Variants in MCC observed in about 807,000 individuals in gnomAD.
MCC encodes the protein colorectal mutant cancer protein.
Under a neutral mutation model 116.2 loss-of-function variants are expected in MCC, and 90 were observed. The ratio of observed to expected loss-of-function variants is 0.77; its 90% CI spans 0.65 to 0.92. The LOEUF is 0.92. Among genes scored for constraint, MCC ranks in the 40% least tolerant of loss-of-function variants. The pLI, the probability that MCC is intolerant of heterozygous loss-of-function variation, is 0.00. For missense variants in MCC, 1,516 were observed against 1,312.2 expected (o/e 1.16, Z -2.40); for synonymous variants, 578 against 510.5 (o/e 1.13, Z -1.78).
At chr5:113,299,346 A>G (rs1010235862) in intron 3 of MCC, among the ~76,000 whole-genome samples, 108 of 129,630 alleles carry the variant, frequency 8.3e-4, no homozygotes, top group Admixed American at 1.8e-3. Flanking sequence ...AAAAAAAAAA[A>G]GAGTAGGGCT....
At chr5:113,454,665 A>G (rs1477124945) in intron 1 of MCC, among the ~76,000 whole-genome samples, 1 of 152,240 alleles carries the variant, frequency 6.6e-6, no homozygotes, top group Non-Finnish European at 1.5e-5. Flanking sequence ...AACTGAAAGT[A>G]CTTAATATTT....
At chr5:113,264,800 T>C (rs911801181) in intron 3 of MCC, among the ~76,000 whole-genome samples, 4 of 152,118 alleles carry the variant, frequency 2.6e-5, no homozygotes, top group Non-Finnish European at 4.4e-5. Flanking sequence ...CCCAGCACTT[T>C]GGGAAGTCGA....
Position 113,024,286 on chromosome 5 carries a change from A to G in MCC, c.*3016T>C, listed in dbSNP as rs1456183486. On this transcript the variant is annotated 3_prime_UTR_variant, in exon 19 of 19. Transcript: ENST00000408903. ...GGATATTAACTTCAGAACGCTGACAAGCCAGCCGATGAGGATGAAAGTTTC... is the reference window on the plus strand; with the variant it reads ...GGATATTAACTTCAGAACGCTGACAGGCCAGCCGATGAGGATGAAAGTTTC... 1.3e-5 allele frequency: 2 copies of G among 152,262 alleles called. No homozygotes were observed. The highest frequency in any genetic ancestry group is 4.8e-5 in the African/African-American group (2 of 41,474). The allele number at this position is 152,262 out of a possible 1,614,324, so 9.4% of individuals were successfully genotyped here.
rs1769225259 is a variant in MCC at position 113,385,198 on chromosome 5, ATTAGCAAGTCATTTC to A, written c.171-1_184del. ...TTCCATATTCAGCTGGCGACAGACCATTAGCAAGTCATTTCTGCAGAAGGGGTTGAACAGAAGAAA... is the reference window on the plus strand; with the variant it reads ...TTCCATATTCAGCTGGCGACAGACCATGCAGAAGGGGTTGAACAGAAGAAA... On this transcript the variant is annotated splice_acceptor_variant and coding_sequence_variant, in exon 2 of 19. Transcript: ENST00000408903. LOFTEE classifies it high-confidence loss of function. 2.5e-6 allele frequency: 4 copies of A among 1,613,858 alleles called. No individual in the cohort carries two copies. In the South Asian group the frequency reaches 3.3e-5, roughly 13 times the overall value.
intron 3 of MCC, among the ~76,000 whole-genome samples, chr5:113,206,778 A>C (rs181592977): frequency 6.6e-6 from 1 of 152,358 alleles, no homozygotes. Flanking sequence ...TGTACTTAAA[A>C]AGTAAGTAAA....
chr5:113,090,147 T>G, intron 8 of MCC, among the ~76,000 whole-genome samples: 1 of 148,030 alleles, frequency 6.8e-6, no homozygotes, highest in African/African-American at 2.5e-5. Flanking sequence ...CTGGCAGGAG[T>G]GGAGGGTCAG....
chr5:113,162,001 T>C (rs1237161954), intron 3 of MCC, among the ~76,000 whole-genome samples: 1 of 152,142 alleles, frequency 6.6e-6, no homozygotes, highest in Non-Finnish European at 1.5e-5. Flanking sequence ...CGTTTGCTGG[T>C]ACATCTAATC....
rs1581159724 is a variant in MCC at position 113,148,616 on chromosome 5, A to G, written c.741+2693T>C. 2.6e-5 allele frequency among the ~76,000 whole-genome samples: 4 copies of G among 152,358 alleles called. No homozygotes were observed. In the Middle Eastern group the frequency reaches 0.014, roughly 518 times the overall value. On this transcript the variant is annotated intron_variant, in intron 4 of 18. Coordinates refer to ENST00000408903, the MANE Select transcript of MCC (RefSeq NM_001085377.2). ...TCTTCTACAATCTGGTAAAGCCTCA[A>G]ACATGAATCTTTTACCAAGGCATAT...
chr5:113,047,679 A>C (rs891484906), intron 16 of MCC, among the ~76,000 whole-genome samples: 4 of 152,202 alleles, frequency 2.6e-5, no homozygotes, highest in African/African-American at 7.2e-5. Flanking sequence ...GGTCAAGAGA[A>C]GCTTGCATTT....
In MCC at chr5:113,433,629, T is replaced by C. The variant is rs570899573; in HGVS notation, c.171-48417A>G. ...GGGAGAGAGAAGAAGCTGATGAAAA[T>C]AGAGGCTCATCTGGGACTGCCTTCC... On this transcript the variant is annotated intron_variant, in intron 1 of 18. Transcript: ENST00000408903. 114 of 1,337,980 alleles carry C rather than the reference T, an allele frequency of 8.5e-5. No individual in the cohort carries two copies. In the African/African-American group the frequency reaches 1.2e-3, roughly 14 times the overall value. 82.9% of individuals were successfully genotyped at this position (1,337,980 alleles called of 1,614,324 possible). A position where few individuals can be genotyped will look rare whatever the true frequency, so the allele number is the denominator to read the frequency against.
intron 3 of MCC, among the ~76,000 whole-genome samples, chr5:113,204,266 T>C (rs997570947): frequency 4.6e-5 from 7 of 152,178 alleles, no homozygotes; most frequent in Non-Finnish European, 8.8e-5. Context: ...AAATGTGAAG[T>C]AATGAAGCCA....
At chr5:113,444,930 A>C (rs1319636021) in intron 1 of MCC, among the ~76,000 whole-genome samples, 2 of 152,230 alleles carry the variant, frequency 1.3e-5, no homozygotes, top group Non-Finnish European at 2.9e-5. Flanking sequence ...TAGATGAGAA[A>C]AGTGAGGCTC....
intron 1 of MCC, among the ~76,000 whole-genome samples, chr5:113,427,575 T>C (rs1391225619): frequency 6.6e-6 from 1 of 152,242 alleles, no homozygotes; most frequent in Non-Finnish European, 1.5e-5. Context: ...TATGGTCTAC[T>C]TTATTCATTA....
At position 113,053,686 on chromosome 5, in the gene MCC, T is replaced by G. The variant is rs763992814; in HGVS notation, c.2448+39A>C. On this transcript the variant is annotated intron_variant, in intron 15 of 18. Coordinates refer to ENST00000408903, the MANE Select transcript of MCC (RefSeq NM_001085377.2). ...TTCAGAGGTTGTTTAGATTTCCTCC[T>G]GGTGGCAGCCTAGCACATGGGACCC... The G allele has an allele frequency of 3.0e-5, 44 of 1,472,720 alleles. No homozygotes were observed. In the Middle Eastern group the frequency reaches 3.6e-3, roughly 122 times the overall value. The allele number at this position is 1,472,720 out of a possible 1,614,324, so 91.2% of individuals were successfully genotyped here. A position where few individuals can be genotyped will look rare whatever the true frequency, so the allele number is the denominator to read the frequency against.
chr5:113,052,937 G>A (rs970309718), intron 15 of MCC, among the ~76,000 whole-genome samples: 1 of 152,142 alleles, frequency 6.6e-6, no homozygotes, highest in African/African-American at 2.4e-5. Context: ...GAAACTCCAA[G>A]GGTTTCTCAA....
chr5:113,107,813 A>G (rs1475990941), intron 6 of MCC, among the ~76,000 whole-genome samples: 1 of 152,190 alleles, frequency 6.6e-6, no homozygotes, highest in Non-Finnish European at 1.5e-5. Context: ...CTCACAGCAG[A>G]GCCGGAGTGG....
chr5:113,424,264 A>G (rs944186137), intron 1 of MCC, among the ~76,000 whole-genome samples: 1 of 151,976 alleles, frequency 6.6e-6, no homozygotes, highest in Non-Finnish European at 1.5e-5. Context: ...GAGGGCATCT[A>G]ATATAAAAGA....
At chr5:113,409,236 A>G (rs1769913598) in intron 1 of MCC, among the ~76,000 whole-genome samples, 1 of 152,210 alleles carries the variant, frequency 6.6e-6, no homozygotes, top group Admixed American at 6.5e-5. Flanking sequence ...ATTTCGGGAA[A>G]TGTACTCTGA....
intron 14 of MCC, among the ~76,000 whole-genome samples, chr5:113,060,963 T>C (rs113201278): frequency 6.6e-5 from 10 of 152,368 alleles, no homozygotes; most frequent in African/African-American, 2.2e-4. Context: ...ATGCCTGTTC[T>C]AACTAGGTGG....
Sources: allele counts gnomAD v4.1 joint callset (sites outside exome capture counted in the v4.1 genomes callset), GRCh38; gene constraint gnomAD v4.1.1; transcripts MANE v1.5; gene names NCBI Gene and HGNC (gene_info 2026-07-23, HGNC 2026-07-21).